Variants in TBC1D22A observed in about 807,000 individuals in gnomAD.
TBC1D22A encodes the protein putative GTPase activator.
A neutral mutation model predicts 60.2 loss-of-function variants in TBC1D22A; 38 were observed. That is an observed-to-expected ratio of 0.63 (90% CI 0.49 to 0.83). TBC1D22A has a LOEUF of 0.83. Ranked by LOEUF, TBC1D22A falls within the 40% of genes least tolerant of loss-of-function variation. The probability of loss-of-function intolerance (pLI) is 0.00; values close to 1 mark genes in which losing one functional copy is unlikely to be tolerated. For synonymous variants in TBC1D22A, 302 were observed against 281.7 expected, an observed-to-expected ratio of 1.07 and a Z score of -0.72; for missense variants, 628 against 701.0, an observed-to-expected ratio of 0.90 and a Z score of 1.18.
rs545031047 is a variant in TBC1D22A, at chr22:47,122,799, C to T, written c.1425+11196C>T. Among the ~76,000 whole-genome samples the T allele has an allele frequency of 1.9e-4, 29 of 152,330 alleles. 1 individual carries two copies. The East Asian group carries it at 4.3e-3, about 22-fold the overall frequency. ...TCCCTCCTCACCCGTCCCCTGGCCT[C>T]GGAAGCTGGTGCCAGGGTGTGCCCA... On this transcript the variant is annotated intron_variant, in intron 12 of 12. Transcript: ENST00000337137.
At position 47,118,231 on chromosome 22, in the gene TBC1D22A, T is replaced by C. The variant is rs546577382; in HGVS notation, c.1425+6628T>C. On this transcript the variant is annotated intron_variant, in intron 12 of 12. Transcript: ENST00000337137. ...GTACCAACAAAGAATGCATCTTCTT[T>C]CTAAGTATTTATGGAATACTTACAA... Among the ~76,000 whole-genome samples, 44 of 152,322 alleles carry C rather than the reference T, an allele frequency of 2.9e-4. 1 individual carries two copies. In the East Asian group the frequency reaches 5.8e-3, roughly 20 times the overall value.
intron 11 of TBC1D22A, among the ~76,000 whole-genome samples, chr22:47,042,397 T>C (rs561556942): frequency 1.3e-5 from 2 of 152,080 alleles, no homozygotes; most frequent in Non-Finnish European, 2.9e-5. Flanking sequence ...CTTGCCAGCC[T>C]GTATGAGAGA....
chr22:46,882,099 C>G (rs934079795), intron 5 of TBC1D22A, among the ~76,000 whole-genome samples: 1 of 152,198 alleles, frequency 6.6e-6, no homozygotes, highest in Admixed American at 6.5e-5. Context: ...CCCTGAATCC[C>G]AAGGTTTAAA....
intron 11 of TBC1D22A, among the ~76,000 whole-genome samples, chr22:47,103,953 GT>G (rs950152252): frequency 1.3e-5 from 2 of 151,708 alleles, no homozygotes; most frequent in African/African-American, 2.4e-5. Context: ...CCCAAAACGT[GT>G]TTTTTTTGCC....
intron 11 of TBC1D22A, among the ~76,000 whole-genome samples, chr22:47,053,781 T>G (rs1281441611): frequency 6.6e-6 from 1 of 152,254 alleles, no homozygotes; most frequent in Admixed American, 6.5e-5. Flanking sequence ...GGCGCTGGTT[T>G]GGATTCCCGC....
chr22:46,957,195 TG>T (rs1569270766), intron 8 of TBC1D22A, among the ~76,000 whole-genome samples: 1 of 152,216 alleles, frequency 6.6e-6, no homozygotes, highest in Non-Finnish European at 1.5e-5. Flanking sequence ...CCTCTTCACC[TG>T]GGCATACAGC....
At chr22:47,072,605 C>T (rs550883561) in intron 11 of TBC1D22A, among the ~76,000 whole-genome samples, 2 of 152,234 alleles carry the variant, frequency 1.3e-5, no homozygotes, top group Non-Finnish European at 2.9e-5. Flanking sequence ...TGCAGGCACC[C>T]AGGAAGGTGC....
intron 10 of TBC1D22A, among the ~76,000 whole-genome samples, chr22:47,035,139 A>C (rs999318056): frequency 1.3e-5 from 2 of 152,180 alleles, no homozygotes; most frequent in African/African-American, 4.8e-5. Context: ...GTAGCAACTG[A>C]GTATCTGAGG....
chr22:46,862,261 C>T (rs2087933858), intron 4 of TBC1D22A, among the ~76,000 whole-genome samples: 1 of 152,140 alleles, frequency 6.6e-6, no homozygotes, highest in Non-Finnish European at 1.5e-5. Flanking sequence ...GCTCTTAGCA[C>T]CCCCCAGGTG....
rs1362746782 is a variant in TBC1D22A at position 46,793,700 on chromosome 22, C to CAAA, written c.320_321insAAA (p.Gln107_Arg108insLys). The stretch of plus-strand genomic sequence containing the variant: ...CAACCGTGTGCTGCGTAACCACAGC[C>CAAA]AGCGGCAGGGGCGGCCCACGCTGCA... On this transcript the variant is annotated inframe_insertion, in exon 3 of 13. Transcript: ENST00000337137. 1 of 1,612,510 alleles carries CAAA rather than the reference C, an allele frequency of 6.2e-7. No homozygotes were observed. The highest frequency in any genetic ancestry group is 8.5e-7 in the Non-Finnish European group (1 of 1,179,772).
intron 4 of TBC1D22A, among the ~76,000 whole-genome samples, chr22:46,849,200 C>T (rs1052950516): frequency 1.3e-5 from 2 of 152,310 alleles, no homozygotes; most frequent in East Asian, 3.9e-4. Context: ...TGCAGGTTGT[C>T]CCCGTTGACC....
At chr22:46,920,772 A>G (rs2070707778) in intron 8 of TBC1D22A, among the ~76,000 whole-genome samples, 1 of 100,672 alleles carries the variant, frequency 9.9e-6, no homozygotes, top group Non-Finnish European at 1.9e-5. Flanking sequence ...ACATTATGTT[A>G]TTTATTCATT....
intron 11 of TBC1D22A, among the ~76,000 whole-genome samples, chr22:47,088,111 G>T (rs1016615135): frequency 5.3e-5 from 8 of 151,188 alleles, no homozygotes; most frequent in Non-Finnish European, 1.0e-4. Context: ...ATTTAAAAAA[G>T]ATTCAATATG....
chr22:47,014,596 C>T (rs1449783295), intron 10 of TBC1D22A, among the ~76,000 whole-genome samples: 2 of 152,248 alleles, frequency 1.3e-5, no homozygotes, highest in African/African-American at 4.8e-5. Flanking sequence ...ACCTCACTTA[C>T]TTCTCACGGC....
rs572205832 is a variant in TBC1D22A, at chr22:47,145,907, A to G, written c.1426-27591A>G. Among the ~76,000 whole-genome samples the G allele has an allele frequency of 6.8e-4, 104 of 152,278 alleles. 1 individual carries two copies. In the South Asian group the frequency reaches 0.018, roughly 26 times the overall value. On this transcript the variant is annotated intron_variant, in intron 12 of 12. Transcript: ENST00000337137. The stretch of plus-strand genomic sequence containing the variant: ...AGGCCACGGTGTGGGGACGCACTGG[A>G]TTGCTGGCCTGTCCCATGCTGTTCC...
At chr22:47,125,390 C>A (rs979213813) in intron 12 of TBC1D22A, among the ~76,000 whole-genome samples, 1 of 152,256 alleles carries the variant, frequency 6.6e-6, no homozygotes, top group Admixed American at 6.5e-5. Flanking sequence ...ACACCCAGAG[C>A]ATCTTCTGTT....
chr22:46,840,269 A>T (rs2086693593), intron 4 of TBC1D22A, among the ~76,000 whole-genome samples: 1 of 152,226 alleles, frequency 6.6e-6, no homozygotes, highest in African/African-American at 2.4e-5. Context: ...AACCAAACAA[A>T]CTAAATAACC....
At chr22:46,786,320 A>G (rs932427809) in intron 1 of TBC1D22A, among the ~76,000 whole-genome samples, 2 of 152,128 alleles carry the variant, frequency 1.3e-5, no homozygotes, top group Non-Finnish European at 2.9e-5. Context: ...GCACTAATTG[A>G]TTTTTGGTTA....
At chr22:46,904,241 T>TA (rs1016394258) in intron 7 of TBC1D22A, among the ~76,000 whole-genome samples, 7 of 148,088 alleles carry the variant, frequency 4.7e-5, no homozygotes, top group African/African-American at 1.8e-4. Context: ...AAAAAAAAGG[T>TA]ACGATTATTT....
Sources: gnomAD v4.1 joint callset for allele counts (sites outside exome capture counted in the v4.1 genomes callset) on GRCh38, gnomAD v4.1.1 for gene constraint, MANE v1.5 for transcripts, NCBI Gene and HGNC (gene_info 2026-07-23, HGNC 2026-07-21) for gene names.